The following SPINK5 variants were observed in gnomAD, a reference collection of about 807,000 sequenced individuals.
SPINK5 encodes serine protease inhibitor Kazal-type 5.
SPINK5 carries 125 observed loss-of-function variants against 151.8 expected under a neutral mutation model. The observed-to-expected ratio is 0.82, with a 90% CI of 0.71 to 0.96. The LOEUF is 0.96. Among genes scored for constraint, SPINK5 ranks in the 40% least tolerant of loss-of-function variants. The pLI is 0.00. For synonymous variants in SPINK5, 374 were observed against 395.3 expected, an observed-to-expected ratio of 0.95 and a Z score of 0.64; for missense variants, 1,194 against 1,291.9, an observed-to-expected ratio of 0.92 and a Z score of 1.16.
chr5:148,117,515 A>G (rs1754126454), intron 22 of SPINK5, among the ~76,000 whole-genome samples: 1 of 152,218 alleles, frequency 6.6e-6, no homozygotes, highest in Non-Finnish European at 1.5e-5. Context: ...TGTTGTGGGA[A>G]AGAAGCAAAA....
chr5:148,076,262 G>C (rs1239223777), intron 4 of SPINK5, among the ~76,000 whole-genome samples: 1 of 151,498 alleles, frequency 6.6e-6, no homozygotes, highest in East Asian at 2.0e-4. Context: ...CAAAAACATA[G>C]GGGAAAAACA....
intron 7 of SPINK5, 151 bp downstream of exon 7, chr5:148,089,772 T>C: frequency 8.8e-7 from 1 of 1,135,140 alleles, no homozygotes; most frequent in Non-Finnish European, 1.3e-6. Flanking sequence ...AAAGGCTTCT[T>C]TTCTTTTTCT....
intron 15 of SPINK5, among the ~76,000 whole-genome samples, chr5:148,104,496 T>C (rs1179993944): frequency 6.6e-6 from 1 of 152,202 alleles, no homozygotes; most frequent in Non-Finnish European, 1.5e-5. Context: ...GTTTATTGTC[T>C]AATAAAAGTA....
intron 26 of SPINK5, among the ~76,000 whole-genome samples, chr5:148,123,437 C>CTATATA (rs1318085178): frequency 1.3e-4 from 11 of 86,964 alleles, no homozygotes; most frequent in African/African-American, 4.5e-4. Flanking sequence ...TATATATTAT[C>CTATATA]TATCTATCTA....
At chr5:148,122,042 G>A (rs1036270218) in intron 26 of SPINK5, among the ~76,000 whole-genome samples, 17 of 151,042 alleles carry the variant, frequency 1.1e-4, no homozygotes, top group Non-Finnish European at 2.2e-4. Context: ...GAGAACTACC[G>A]TTTTATCTAC....
rs992553861 is a variant in SPINK5 at position 148,091,177 on chromosome 5, T to C, written c.615T>C (p.Ala205=). 2 of 1,611,156 alleles carry C rather than the reference T, an allele frequency of 1.2e-6. No homozygotes were observed. The highest frequency in any genetic ancestry group is 2.7e-5 in the African/African-American group (2 of 74,690). The change falls in exon 8 of 33, where the codon GCT becomes GCC. Residue 205 remains alanine, a synonymous_variant. Transcript: ENST00000256084. ...AMCAELFLKE[A]ENAKREGETR... ...CTTTTCTTAACAGTTTAAAAGAAGC[T>C]GAAAATGCCAAGCGAGAGGGTGAAA...
chr5:148,095,120 C>T (rs1307105447), intron 9 of SPINK5, among the ~76,000 whole-genome samples: 1 of 151,910 alleles, frequency 6.6e-6, no homozygotes, highest in East Asian at 1.9e-4. Flanking sequence ...ATTATCTTTC[C>T]TTGGACAAGA....
intron 21 of SPINK5, 122 bp downstream of exon 21, chr5:148,114,611 T>A (rs371199410): frequency 4.4e-5 from 62 of 1,414,002 alleles, no homozygotes; most frequent in East Asian, 2.4e-4. Flanking sequence ...AGGTTATCTG[T>A]AAAGCATTTG....
At chr5:148,110,157 T>C (rs548390620) in intron 18 of SPINK5, among the ~76,000 whole-genome samples, 16 of 152,192 alleles carry the variant, frequency 1.1e-4, no homozygotes, top group Non-Finnish European at 2.1e-4. Flanking sequence ...ATAAGGACAT[T>C]ATTATTACGT....
chr5:148,065,472 A>G, intron 2 of SPINK5, 100 bp downstream of exon 2: 1 of 1,237,398 alleles, frequency 8.1e-7, no homozygotes, highest in Non-Finnish European at 1.2e-6. Flanking sequence ...AACATATTAT[A>G]CTGGTAGGTA....
chr5:148,125,911 C>T, intron 29 of SPINK5, 61 bp downstream of exon 29: 1 of 1,609,068 alleles, frequency 6.2e-7, no homozygotes, highest in Non-Finnish European at 8.5e-7. Context: ...TTAGAAACTG[C>T]TGCTTGAATA....
At chr5:148,088,244 A>T (rs1228793072) in intron 5 of SPINK5, among the ~76,000 whole-genome samples, 2 of 151,834 alleles carry the variant, frequency 1.3e-5, no homozygotes, top group Non-Finnish European at 2.9e-5. Flanking sequence ...ATCCAGTTAC[A>T]AGCTTTACTT....
chr5:148,102,008 T>C, intron 15 of SPINK5, 100 bp downstream of exon 15: 2 of 1,553,898 alleles, frequency 1.3e-6, no homozygotes, highest in Non-Finnish European at 1.8e-6. Context: ...TCTTCTTCAG[T>C]GTAGCATTCA....
chr5:148,080,200 A>C (rs1460240719), intron 4 of SPINK5, among the ~76,000 whole-genome samples: 1 of 151,378 alleles, frequency 6.6e-6, no homozygotes, highest in African/African-American at 2.4e-5. Flanking sequence ...AGACTTATAC[A>C]CTAAAAACTA....
intron 4 of SPINK5, among the ~76,000 whole-genome samples, chr5:148,073,329 A>G (rs1387541935): frequency 3.9e-5 from 6 of 151,964 alleles, no homozygotes. Flanking sequence ...CAGCCTCCAC[A>G]GTAAACATAG....
At chr5:148,071,794 A>C (rs1752744703) in intron 3 of SPINK5, among the ~76,000 whole-genome samples, 1 of 152,100 alleles carries the variant, frequency 6.6e-6, no homozygotes, top group Admixed American at 6.6e-5. Context: ...AGATGTTGGA[A>C]TTAGAACCAA....
At chr5:148,089,666 G>T in intron 7 of SPINK5, 45 bp downstream of exon 7, 1 of 1,610,610 alleles carries the variant, frequency 6.2e-7, no homozygotes, top group Non-Finnish European at 8.5e-7. Flanking sequence ...GATGCACTTG[G>T]TTGCTGTCCC....
At chr5:148,097,778 A>C in intron 10 of SPINK5, 89 bp from the exon 11 acceptor site, 1 of 1,253,236 alleles carries the variant, frequency 8.0e-7, no homozygotes, top group Non-Finnish European at 1.1e-6. Context: ...TTTCATCCTT[A>C]ATTTCTCTTT....
chr5:148,074,016 AT>A (rs764122557), intron 4 of SPINK5, among the ~76,000 whole-genome samples: 12 of 151,692 alleles, frequency 7.9e-5, no homozygotes, highest in Non-Finnish European at 1.5e-4. Flanking sequence ...TTCTGTCTAA[AT>A]TTTTCCTTGT....
Sources: gnomAD v4.1 joint callset for allele counts (sites outside exome capture counted in the v4.1 genomes callset) on GRCh38, gnomAD v4.1.1 for gene constraint, MANE v1.5 for transcripts, NCBI Gene and HGNC (gene_info 2026-07-23, HGNC 2026-07-21) for gene names.